Variants in NAA38 observed in about 807,000 individuals in gnomAD.
The protein encoded by NAA38 is LSM domain containing 1.
In NAA38, 15 loss-of-function variants were observed where a neutral mutation model predicts 12.6. The ratio of observed to expected loss-of-function variants is 1.19; its 90% CI spans 0.79 to 1.83. NAA38 has a LOEUF of 1.83. Among genes scored for constraint, NAA38 ranks in the 40% most tolerant of loss-of-function variants. The pLI is 0.00. For missense variants in NAA38, 183 were observed against 171.7 expected, an observed-to-expected ratio of 1.07 and a Z score of -0.37; for synonymous variants, 88 against 69.9, an observed-to-expected ratio of 1.26 and a Z score of -1.29.
intron 2 of NAA38, among the ~76,000 whole-genome samples, chr17:7,882,938 T>C (rs1967308619): frequency 6.6e-6 from 1 of 151,904 alleles, no homozygotes; most frequent in Admixed American, 6.5e-5. Context: ...AGGCATGGAA[T>C]GGGAAGCAAG....
At chr17:7,858,618 A>C (rs368679601), upstream of NAA38, 2 of 1,605,336 alleles carry the variant, frequency 1.2e-6, no homozygotes, top group Non-Finnish European at 1.7e-6. Context: ...CCGCAAGCAC[A>C]TAGATCCGCT....
chr17:7,884,037 TTTTG>T (rs1967390099), intron 1 of NAA38, among the ~76,000 whole-genome samples: 1 of 150,964 alleles, frequency 6.6e-6, no homozygotes. Context: ...CAGCAGCCAT[TTTTG>T]TTTTATGCAG....
chr17:7,866,997 G>A (rs1290083305), intron 2 of NAA38, among the ~76,000 whole-genome samples: 2 of 152,174 alleles, frequency 1.3e-5, no homozygotes, highest in African/African-American at 4.8e-5. Flanking sequence ...CAAGCCTTCT[G>A]GGGAAGTATC....
intron 2 of NAA38, among the ~76,000 whole-genome samples, chr17:7,874,216 A>C (rs1370837219): frequency 6.6e-6 from 1 of 152,218 alleles, no homozygotes; most frequent in Non-Finnish European, 1.5e-5. Flanking sequence ...GGTGGGTCCA[A>C]GAACAGAGTA....
At chr17:7,857,655 G>A, upstream of NAA38, 3 of 1,343,128 alleles carry the variant, frequency 2.2e-6, no homozygotes, top group South Asian at 6.4e-5. Context: ...TCACTGAAGC[G>A]TACTACGCCG....
chr17:7,858,902 A>AT, upstream of NAA38: 2 of 1,310,886 alleles, frequency 1.5e-6, no homozygotes, highest in Non-Finnish European at 2.1e-6. Flanking sequence ...TCAGGGCAAC[A>AT]TTTTTTCCAT....
chr17:7,866,442 G>C, intron 3 of NAA38: 3 of 1,228,734 alleles, frequency 2.4e-6, no homozygotes, highest in Non-Finnish European at 3.0e-6. Flanking sequence ...CATGTTAAAA[G>C]TCTTCAAAGG....
upstream of NAA38, chr17:7,858,646 A>G: frequency 6.2e-7 from 1 of 1,608,668 alleles, no homozygotes; most frequent in Non-Finnish European, 8.5e-7. Context: ...TGCCTGAGGT[A>G]CTGCACCCCG....
intron 2 of NAA38, among the ~76,000 whole-genome samples, chr17:7,877,500 TC>T (rs1457667243): frequency 6.6e-6 from 1 of 152,048 alleles, no homozygotes; most frequent in Non-Finnish European, 1.5e-5. Flanking sequence ...CCCCAGGAAA[TC>T]CTGAGAACAT....
intron 2 of NAA38, among the ~76,000 whole-genome samples, chr17:7,870,100 G>A (rs140066907): frequency 8.3e-4 from 127 of 152,146 alleles, no homozygotes; most frequent in Non-Finnish European, 1.6e-3. Flanking sequence ...GTGGTCAATC[G>A]AAGAAGATCT....
chr17:7,880,962 T>C (rs1967261425), intron 2 of NAA38, among the ~76,000 whole-genome samples: 2 of 152,090 alleles, frequency 1.3e-5, no homozygotes, highest in Admixed American at 1.3e-4. Flanking sequence ...AGACCAGAGA[T>C]GGCAAGCCCA....
chr17:7,857,899 C>A (rs2078843627), upstream of NAA38: 1 of 1,406,230 alleles, frequency 7.1e-7, no homozygotes, highest in African/African-American at 1.4e-5. Context: ...ATTACTTGAT[C>A]CTTATATGCC....
chr17:7,858,480 G>T, upstream of NAA38: 1 of 1,614,218 alleles, frequency 6.2e-7, no homozygotes, highest in Non-Finnish European at 8.5e-7. Flanking sequence ...GACCAGAGAC[G>T]TGAGTTATGC....
At chr17:7,868,313 C>G (rs1737732508) in intron 2 of NAA38, among the ~76,000 whole-genome samples, 1 of 152,070 alleles carries the variant, frequency 6.6e-6, no homozygotes, top group South Asian at 2.1e-4. Context: ...GCACAGAGGT[C>G]ACGTAAGATG....
chr17:7,857,562 G>GA, upstream of NAA38: 1 of 1,415,218 alleles, frequency 7.1e-7, no homozygotes, highest in Non-Finnish European at 9.2e-7. Context: ...TTCCTTTCGC[G>GA]AGATCCCCTC....
Position 7,857,166 on chromosome 17 carries a change from A to G in NAA38, c.114T>C (p.Ala38=). ...CCTCTAGCTGCTGTCGGGCGCGCTC[A>G]GCCGCCGAGTCCTCGCGCTCTCCGT... is the stretch of plus-strand genomic sequence containing the variant. The part of the protein sequence containing the change: ...DSDGEREDSA[A]ERARQQLEAL... The change falls in exon 2 of 3, where the codon GCT becomes GCC. Residue 38 remains alanine, a synonymous_variant. Coordinates refer to ENST00000575771, the MANE Select transcript of NAA38 (RefSeq NM_001320925.4). 1.2e-6 allele frequency: 2 copies of G among 1,612,926 alleles called. No homozygotes were observed. The highest frequency in any genetic ancestry group is 1.1e-5 in the South Asian group (1 of 91,086).
upstream of NAA38, chr17:7,860,005 A>T (rs149552503): frequency 1.7e-3 from 386 of 225,874 alleles, no homozygotes; most frequent in Non-Finnish European, 2.8e-3. Flanking sequence ...AAGAAATAGG[A>T]AATGTTTATC....
upstream of NAA38, chr17:7,857,745 T>C (rs568687944): frequency 1.1e-5 from 14 of 1,275,924 alleles, no homozygotes; most frequent in African/African-American, 1.7e-4. Flanking sequence ...GAGAATACAT[T>C]CTTTCATACT....
intron 2 of NAA38, among the ~76,000 whole-genome samples, chr17:7,878,123 C>A (rs1311829709): frequency 6.6e-6 from 1 of 151,852 alleles, no homozygotes; most frequent in Non-Finnish European, 1.5e-5. Flanking sequence ...AACATAATTA[C>A]AGTATCAAAT....
Sources: gnomAD v4.1 joint callset for allele counts (sites outside exome capture counted in the v4.1 genomes callset) on GRCh38, gnomAD v4.1.1 for gene constraint, MANE v1.5 for transcripts, NCBI Gene and HGNC (gene_info 2026-07-23, HGNC 2026-07-21) for gene names.